Variants in PCCA observed in about 807,000 individuals in gnomAD.
The protein encoded by PCCA is propionyl-CoA carboxylase subunit alpha.
A neutral mutation model predicts 101.3 loss-of-function variants in PCCA; 74 were observed. The ratio of observed to expected loss-of-function variants is 0.73; its 90% CI spans 0.61 to 0.89. PCCA has a LOEUF of 0.89. Among genes scored for constraint, PCCA ranks in the 40% least tolerant of loss-of-function variants. The pLI is 0.00. For synonymous variants in PCCA, 294 were observed against 313.6 expected (o/e 0.94, Z 0.66); for missense variants, 891 against 907.0 (o/e 0.98, Z 0.23).
chr13:100,171,956 C>T (rs1337990591), intron 6 of PCCA, among the ~76,000 whole-genome samples: 1 of 150,096 alleles, frequency 6.7e-6, no homozygotes, highest in African/African-American at 2.5e-5. Flanking sequence ...GGCGTGAACA[C>T]AGGAGGCAGA....
At chr13:100,492,338 G>C (rs1232562571) in intron 21 of PCCA, among the ~76,000 whole-genome samples, 1 of 152,108 alleles carries the variant, frequency 6.6e-6, no homozygotes, top group African/African-American at 2.4e-5. Context: ...GTTTCACTGT[G>C]TTAGCCAGGA....
chr13:100,313,192 A>T (rs1320536605), intron 16 of PCCA, among the ~76,000 whole-genome samples: 1 of 151,970 alleles, frequency 6.6e-6, no homozygotes, highest in Non-Finnish European at 1.5e-5. Context: ...CATTTGAAAG[A>T]AGGTTGCAAA....
chr13:100,242,713 C>T (rs1448553304), intron 8 of PCCA, among the ~76,000 whole-genome samples: 3 of 152,122 alleles, frequency 2.0e-5, no homozygotes, highest in Non-Finnish European at 4.4e-5. Context: ...GCCCATGACT[C>T]GCAATGTTCC....
chr13:100,230,452 A>G (rs2060400892), intron 7 of PCCA, among the ~76,000 whole-genome samples: 1 of 151,802 alleles, frequency 6.6e-6, no homozygotes. Context: ...GGCTAAGGCA[A>G]GAGAACTACT....
At chr13:100,245,118 A>G (rs2061361841) in intron 8 of PCCA, among the ~76,000 whole-genome samples, 1 of 152,218 alleles carries the variant, frequency 6.6e-6, no homozygotes, top group Non-Finnish European at 1.5e-5. Context: ...AACTAAACTG[A>G]TAATGATGAA....
intron 19 of PCCA, among the ~76,000 whole-genome samples, chr13:100,400,687 G>A (rs922773495): frequency 2.3e-4 from 33 of 141,840 alleles, no homozygotes; most frequent in Admixed American, 1.5e-3. Flanking sequence ...GTGAAGTGGC[G>A]TGATCTCAGC....
Sources: gnomAD v4.1 joint callset for allele counts (sites outside exome capture counted in the v4.1 genomes callset) on GRCh38, gnomAD v4.1.1 for gene constraint, MANE v1.5 for transcripts, NCBI Gene and HGNC (gene_info 2026-07-23, HGNC 2026-07-21) for gene names.